The following ZNF385B variants were observed in gnomAD, a reference collection of about 807,000 sequenced individuals.
ZNF385B encodes zinc finger protein 385B.
Under a neutral mutation model 39.2 loss-of-function variants are expected in ZNF385B, and 23 were observed. That is an observed-to-expected ratio of 0.59 (90% CI 0.42 to 0.83). The LOEUF is 0.83. Ranked by LOEUF, ZNF385B falls within the 40% of genes least tolerant of loss-of-function variation. ZNF385B has a pLI of 0.00. For synonymous variants in ZNF385B, 205 were observed against 222.6 expected, an observed-to-expected ratio of 0.92 and a Z score of 0.70; for missense variants, 552 against 598.9, an observed-to-expected ratio of 0.92 and a Z score of 0.82.
At chr2:179,691,574 G>C (rs1698357536) in intron 3 of ZNF385B, among the ~76,000 whole-genome samples, 1 of 152,150 alleles carries the variant, frequency 6.6e-6, no homozygotes, top group African/African-American at 2.4e-5. Flanking sequence ...TAAATACAAG[G>C]TGAATAGCAG....
intron 3 of ZNF385B, among the ~76,000 whole-genome samples, chr2:179,717,020 G>A (rs1313398130): frequency 6.6e-6 from 1 of 152,116 alleles, no homozygotes; most frequent in African/African-American, 2.4e-5. Flanking sequence ...CAGATACTCT[G>A]AGATATAATT....
intron 6 of ZNF385B, among the ~76,000 whole-genome samples, chr2:179,466,471 G>C (rs893385808): frequency 6.6e-6 from 1 of 152,008 alleles, no homozygotes; most frequent in African/African-American, 2.4e-5. Context: ...GATTTCTCTT[G>C]AAACTATAGG....
chr2:179,677,477 C>T (rs1696993073), intron 3 of ZNF385B, among the ~76,000 whole-genome samples: 1 of 152,210 alleles, frequency 6.6e-6, no homozygotes, highest in Non-Finnish European at 1.5e-5. Context: ...TATATCTTAA[C>T]TTCTGAAACG....
intron 1 of ZNF385B, chr2:179,814,602 G>T: frequency 1.6e-6 from 1 of 642,168 alleles, no homozygotes. Flanking sequence ...CATAGAGACC[G>T]TGGACTGTAG....
In ZNF385B at chr2:179,701,365, A is replaced by C. The variant is rs116159787; in HGVS notation, c.298+68138T>G. Among the ~76,000 whole-genome samples the C allele has an allele frequency of 8.1e-3, 1,235 of 152,348 alleles. 17 individuals are homozygous for C. Among genetic ancestry groups the C allele is most frequent in the African/African-American group, 0.028 (1,146 of 41,574 alleles). On this transcript the variant is annotated intron_variant, in intron 3 of 9. Transcript: ENST00000410066. The stretch of plus-strand genomic sequence containing the variant: ...ATTTATAGGTAAACTCAAGAGTTCC[A>C]TTGTATTCTTAGACAATAATAACTA...
intron 6 of ZNF385B, among the ~76,000 whole-genome samples, chr2:179,464,035 T>C (rs535917792): frequency 1.3e-5 from 2 of 152,338 alleles, no homozygotes; most frequent in Admixed American, 1.3e-4. Context: ...TTTTTAATGA[T>C]TGCCATTCTA....
chr2:179,663,341 A>G (rs1451258112), intron 3 of ZNF385B, among the ~76,000 whole-genome samples: 1 of 152,192 alleles, frequency 6.6e-6, no homozygotes, highest in Non-Finnish European at 1.5e-5. Context: ...TTTTATGGAA[A>G]AATGATAACC....
intron 3 of ZNF385B, among the ~76,000 whole-genome samples, chr2:179,768,948 A>T (rs1335656892): frequency 2.0e-5 from 3 of 152,226 alleles, no homozygotes; most frequent in Admixed American, 2.0e-4. Context: ...TTCAGAGGGA[A>T]GCCTTGTTGG....
chr2:179,625,661 C>T (rs1690593812), intron 3 of ZNF385B, among the ~76,000 whole-genome samples: 1 of 152,022 alleles, frequency 6.6e-6, no homozygotes, highest in South Asian at 2.1e-4. Flanking sequence ...ATCCCTAAGG[C>T]AAAGTCCCTG....
At chr2:179,725,934 G>A (rs199834972) in intron 3 of ZNF385B, among the ~76,000 whole-genome samples, 23,704 of 112,080 alleles carry the variant, frequency 0.21, 2,505 homozygotes, top group East Asian at 0.5. Flanking sequence ...ATATATATAT[G>A]TGTATATACA....
At chr2:179,531,873 T>C (rs1418059770) in intron 4 of ZNF385B, among the ~76,000 whole-genome samples, 3 of 152,192 alleles carry the variant, frequency 2.0e-5, no homozygotes, top group African/African-American at 7.2e-5. Flanking sequence ...AAATATTTTA[T>C]GTCTTCTGTT....
chr2:179,632,061 G>C (rs1691275837), intron 3 of ZNF385B, among the ~76,000 whole-genome samples: 1 of 152,110 alleles, frequency 6.6e-6, no homozygotes, highest in Non-Finnish European at 1.5e-5. Context: ...CAAATCCTTA[G>C]AGACCTACAA....
At chr2:179,608,977 A>T (rs1347473807) in intron 3 of ZNF385B, among the ~76,000 whole-genome samples, 1 of 151,982 alleles carries the variant, frequency 6.6e-6, no homozygotes, top group African/African-American at 2.4e-5. Flanking sequence ...TTTATGGGGT[A>T]CATGAGATAT....
At chr2:179,532,732 G>T (rs902823776) in intron 4 of ZNF385B, among the ~76,000 whole-genome samples, 3 of 152,074 alleles carry the variant, frequency 2.0e-5, no homozygotes, top group Admixed American at 6.5e-5. Context: ...ACAAGACGCT[G>T]ATATGCCACT....
chr2:179,456,112 A>T (rs184115651), intron 6 of ZNF385B, among the ~76,000 whole-genome samples: 3 of 152,202 alleles, frequency 2.0e-5, no homozygotes, highest in African/African-American at 4.8e-5. Context: ...TCATGTTTGT[A>T]CCTCATTGAA....
chr2:179,712,037 C>A (rs1700039406), intron 3 of ZNF385B, among the ~76,000 whole-genome samples: 1 of 152,040 alleles, frequency 6.6e-6, no homozygotes, highest in Non-Finnish European at 1.5e-5. Flanking sequence ...GGTGCCATCC[C>A]TATTGAAGTC....
At chr2:179,700,110 C>G (rs1294603144) in intron 3 of ZNF385B, among the ~76,000 whole-genome samples, 1 of 150,730 alleles carries the variant, frequency 6.6e-6, no homozygotes, top group Non-Finnish European at 1.5e-5. Flanking sequence ...AAAAAAGTTA[C>G]CATTTTCATC....
chr2:179,668,188 A>G (rs1347689149), intron 3 of ZNF385B, among the ~76,000 whole-genome samples: 2 of 152,230 alleles, frequency 1.3e-5, no homozygotes, highest in Admixed American at 1.3e-4. Context: ...ACAACCTTCT[A>G]TATATAAAAT....
intron 7 of ZNF385B, among the ~76,000 whole-genome samples, chr2:179,446,308 A>G (rs2049467055): frequency 6.6e-6 from 1 of 152,182 alleles, no homozygotes; most frequent in African/African-American, 2.4e-5. Context: ...TGTTTTTAAG[A>G]AAATAAAGAA....
Sources: allele counts gnomAD v4.1 joint callset (sites outside exome capture counted in the v4.1 genomes callset), GRCh38; gene constraint gnomAD v4.1.1; transcripts MANE v1.5; gene names NCBI Gene and HGNC (gene_info 2026-07-23, HGNC 2026-07-21).